The following COQ10B variants were observed in gnomAD, a reference collection of about 807,000 sequenced individuals.
The protein encoded by COQ10B is coenzyme Q10B.
A neutral mutation model predicts 27.6 loss-of-function variants in COQ10B; 12 were observed. That is an observed-to-expected ratio of 0.43 (90% CI 0.28 to 0.70). The LOEUF is 0.70. Ranked by LOEUF, COQ10B falls within the 30% of genes least tolerant of loss-of-function variation. COQ10B has a pLI of 0.17. For synonymous variants in COQ10B, 115 were observed against 103.0 expected, an observed-to-expected ratio of 1.12 and a Z score of -0.71; for missense variants, 278 against 288.7, an observed-to-expected ratio of 0.96 and a Z score of 0.27.
At chr2:197,459,341 A>AT (rs2085732808) in intron 1 of COQ10B, among the ~76,000 whole-genome samples, 1 of 151,924 alleles carries the variant, frequency 6.6e-6, no homozygotes, top group South Asian at 2.1e-4. Flanking sequence ...TAATTTTTAA[A>AT]TTTTTTTGTA....
rs549649554 is a variant in COQ10B, at chr2:197,463,891, G to A, written c.447+1160G>A. Among the ~76,000 whole-genome samples the A allele has an allele frequency of 6.0e-4, 78 of 130,322 alleles. 2 individuals carry two copies. The South Asian group carries it at 0.011, about 19-fold the overall frequency. The allele number at this position is 130,322 out of a possible 152,430, so 85.5% of individuals were successfully genotyped here. On this transcript the variant is annotated intron_variant, in intron 3 of 4. Coordinates refer to ENST00000263960, the MANE Select transcript of COQ10B (RefSeq NM_025147.5). ...AGAGGTTGCAGTGAGCTGAGATCGCGCCAGTGCACTCCAGCCTGGGCAACA... is the reference window on the plus strand; with the variant it reads ...AGAGGTTGCAGTGAGCTGAGATCGCACCAGTGCACTCCAGCCTGGGCAACA...
chr2:197,462,418 A>G, intron 2 of COQ10B, 121 bp from the exon 3 acceptor site: 1 of 574,544 alleles, frequency 1.7e-6, no homozygotes, highest in Non-Finnish European at 3.0e-6. Flanking sequence ...GTGGTTTAAT[A>G]TATGTGCTGA....
intron 4 of COQ10B, among the ~76,000 whole-genome samples, chr2:197,472,867 C>T (rs888968720): frequency 4.6e-5 from 7 of 151,612 alleles, no homozygotes; most frequent in African/African-American, 1.7e-4. Context: ...GTTAGGCACA[C>T]ATGTGCATGC....
chr2:197,470,301 C>T, intron 4 of COQ10B, 130 bp downstream of exon 4: 1 of 574,032 alleles, frequency 1.7e-6, no homozygotes, highest in Non-Finnish European at 3.1e-6. Context: ...ATGAACATTT[C>T]TTTTTTATTC....
At chr2:197,468,212 G>A (rs1022782283) in intron 3 of COQ10B, among the ~76,000 whole-genome samples, 2 of 151,726 alleles carry the variant, frequency 1.3e-5, no homozygotes, top group Non-Finnish European at 2.9e-5. Flanking sequence ...AGGCCGAGGC[G>A]GGGGGATCAG....
In COQ10B at chr2:197,454,706, AC is replaced by A. The variant is rs570862967; in HGVS notation, c.104+1043del. Among the ~76,000 whole-genome samples the A allele has an allele frequency of 2.2e-3, 340 of 152,272 alleles. 2 individuals carry two copies. Among genetic ancestry groups the A allele is most frequent in the Middle Eastern group, 3.4e-3 (1 of 294 alleles). On this transcript the variant is annotated intron_variant, in intron 1 of 4. Coordinates refer to ENST00000263960, the MANE Select transcript of COQ10B (RefSeq NM_025147.5). ...AAATGTTGTCTTGCAAATAACACTTACTTTTGAGAAAAATACAGTTGCTTTA... is the reference window on the plus strand; with the variant it reads ...AAATGTTGTCTTGCAAATAACACTTATTTTGAGAAAAATACAGTTGCTTTA...
Position 197,474,037 on chromosome 2 carries a change from G to T in COQ10B, c.*113G>T. On this transcript the variant is annotated 3_prime_UTR_variant, in exon 5 of 5. Transcript: ENST00000263960. ...AAAGCATTTGTTAAACGCAGCTTTG[G>T]TTATAAACCTGCACCATTGAAAATT... 1 of 762,130 alleles carries T rather than the reference G, an allele frequency of 1.3e-6. No individual in the cohort carries two copies. The highest frequency in any genetic ancestry group is 1.9e-6 in the Non-Finnish European group (1 of 520,204). The allele number at this position is 762,130 out of a possible 1,614,324, so 47.2% of individuals were successfully genotyped here.
At chr2:197,469,493 G>A (rs914087038) in intron 3 of COQ10B, among the ~76,000 whole-genome samples, 1 of 152,190 alleles carries the variant, frequency 6.6e-6, no homozygotes. Context: ...GAAAAAATCA[G>A]AAAGAAATGG....
At chr2:197,467,569 G>A (rs183322233) in intron 3 of COQ10B, among the ~76,000 whole-genome samples, 253 of 152,102 alleles carry the variant, frequency 1.7e-3, no homozygotes, top group African/African-American at 5.7e-3. Context: ...TAGAGACGGG[G>A]TTTCTCCCTG....
chr2:197,454,926 T>G (rs966165900), intron 1 of COQ10B, among the ~76,000 whole-genome samples: 1 of 152,198 alleles, frequency 6.6e-6, no homozygotes, highest in Non-Finnish European at 1.5e-5. Flanking sequence ...ATTCATTTCA[T>G]GGTTTAACTG....
chr2:197,462,183 C>T (rs1170682515), intron 2 of COQ10B, among the ~76,000 whole-genome samples: 2 of 151,112 alleles, frequency 1.3e-5, no homozygotes, highest in Non-Finnish European at 2.9e-5. Context: ...GCAGGAGAAT[C>T]GCTTGAACCC....
At chr2:197,468,442 C>CA (rs760008326) in intron 3 of COQ10B, among the ~76,000 whole-genome samples, 16,445 of 63,620 alleles carry the variant, frequency 0.26, 1,602 homozygotes, top group Middle Eastern at 0.38. Context: ...GACTCCGTCT[C>CA]AAAAAAAAAA....
chr2:197,461,961 A>G (rs2085765325), intron 2 of COQ10B, among the ~76,000 whole-genome samples: 1 of 151,928 alleles, frequency 6.6e-6, no homozygotes, highest in African/African-American at 2.4e-5. Context: ...AATGCTGGCT[A>G]CTAAAAATTT....
intron 1 of COQ10B, chr2:197,453,977 C>T (rs912266348): frequency 3.2e-6 from 5 of 1,550,744 alleles, no homozygotes; most frequent in Admixed American, 2.0e-5. Flanking sequence ...CTTGTTGCTA[C>T]TGCTGTTGGA....
intron 2 of COQ10B, among the ~76,000 whole-genome samples, chr2:197,461,354 T>A (rs947957072): frequency 6.6e-6 from 1 of 152,084 alleles, no homozygotes; most frequent in Non-Finnish European, 1.5e-5. Flanking sequence ...ACACAACACC[T>A]CCTCCCAGAT....
At position 197,462,736 on chromosome 2, in the gene COQ10B, C is replaced by T; in HGVS notation, c.447+5C>T. ...GTGAAACCTCATTTAGTAAAGGTAA[C>T]AGTTTTGTTTTTTGTTGTTTTTAAA... On this transcript the variant is annotated splice_donor_5th_base_variant and intron_variant, in intron 3 of 4. Coordinates refer to ENST00000263960, the MANE Select transcript of COQ10B (RefSeq NM_025147.5). 2 of 1,483,620 alleles carry T rather than the reference C, an allele frequency of 1.3e-6. No individual in the cohort carries two copies. Among genetic ancestry groups the T allele is most frequent in the Non-Finnish European group, 1.8e-6 (2 of 1,112,518 alleles). 91.9% of individuals were successfully genotyped at this position (1,483,620 alleles called of 1,614,324 possible). A position where few individuals can be genotyped will look rare whatever the true frequency, so the allele number is the denominator to read the frequency against.
chr2:197,471,887 ATC>A (rs1389290935), intron 4 of COQ10B, among the ~76,000 whole-genome samples: 1 of 151,198 alleles, frequency 6.6e-6, no homozygotes, highest in African/African-American at 2.4e-5. Context: ...CGTTGCAGTG[ATC>A]TGAGATCGTA....
At position 197,470,724 on chromosome 2, in the gene COQ10B, G is replaced by A. The variant is rs548178061; in HGVS notation, c.549+553G>A. Among the ~76,000 whole-genome samples the A allele has an allele frequency of 5.9e-5, 9 of 152,178 alleles. No homozygotes were observed. In the South Asian group the frequency reaches 1.5e-3, roughly 25 times the overall value. On this transcript the variant is annotated intron_variant, in intron 4 of 4. Coordinates refer to ENST00000263960, the MANE Select transcript of COQ10B (RefSeq NM_025147.5). ...AGCCTGACCAATATCATGAAACCCC[G>A]TCTCTAGTAAAAATACAAAAATTAG...
intron 1 of COQ10B, among the ~76,000 whole-genome samples, chr2:197,455,212 A>G (rs191270438): frequency 1.3e-5 from 2 of 152,128 alleles, no homozygotes; most frequent in African/African-American, 2.4e-5. Flanking sequence ...TATATATAGT[A>G]AAAAGTCAAC....
Sources: allele counts gnomAD v4.1 joint callset (sites outside exome capture counted in the v4.1 genomes callset), GRCh38; gene constraint gnomAD v4.1.1; transcripts MANE v1.5; gene names NCBI Gene and HGNC (gene_info 2026-07-23, HGNC 2026-07-21).